MYOF: variants seen among roughly 807,000 people sequenced by gnomAD.
The protein encoded by MYOF is myoferlin, also known as fer-1-like 3, myoferlin.
MYOF carries 244 observed loss-of-function variants against 284.2 expected under a neutral mutation model. The ratio of observed to expected loss-of-function variants is 0.86; its 90% CI spans 0.77 to 0.95. The LOEUF (loss-of-function observed/expected upper bound fraction) is 0.95. Ranked by LOEUF, MYOF falls within the 40% of genes least tolerant of loss-of-function variation. MYOF has a pLI of 0.00. For missense variants in MYOF, 2,496 were observed against 2,560.6 expected (o/e 0.97, Z 0.54); for synonymous variants, 904 against 919.7 (o/e 0.98, Z 0.31).
At chr10:93,469,169 G>A (rs548417576) in intron 1 of MYOF, among the ~76,000 whole-genome samples, 107 of 152,306 alleles carry the variant, frequency 7.0e-4, no homozygotes, top group Admixed American at 1.4e-3. Context: ...GGAGGCCGAG[G>A]TGGGTGGATC....
At position 93,396,203 on chromosome 10, in the gene MYOF, A is replaced by G; in HGVS notation, c.1356T>C (p.Asp452=). The G allele has an allele frequency of 1.9e-6, 3 of 1,603,074 alleles. No homozygotes were observed. The highest frequency in any genetic ancestry group is 2.6e-6 in the Non-Finnish European group (3 of 1,174,454). ...IYDWDRLTKN[D]VVGTTYLHLS... ...GGTGTAGATATGTTGTTCCAACTAC[A>G]TCATTTTTAGTAAGACGGTCCCTGT... The change falls in exon 16 of 54, where the codon GAT becomes GAC. Residue 452 remains aspartate (D), a synonymous_variant. Coordinates refer to ENST00000359263, the MANE Select transcript of MYOF (RefSeq NM_013451.4).
In MYOF at chr10:93,432,156, G is replaced by A. The variant is rs1848902109; in HGVS notation, c.237-640C>T. Among the ~76,000 whole-genome samples, 3 of 152,252 alleles carry A rather than the reference G, an allele frequency of 2.0e-5. No homozygotes were observed. The East Asian group carries it at 5.8e-4, about 29-fold the overall frequency. ...AAATCCCAGCACTTTGGGAGGCTGA[G>A]GTAGAAGGATCAATTGAGTCCAGGA... is the stretch of plus-strand genomic sequence containing the variant. On this transcript the variant is annotated intron_variant, in intron 3 of 53. Coordinates refer to ENST00000359263, the MANE Select transcript of MYOF (RefSeq NM_013451.4).
intron 41 of MYOF, among the ~76,000 whole-genome samples, chr10:93,334,142 G>T (rs1466180054): frequency 4.6e-5 from 7 of 152,204 alleles, no homozygotes; most frequent in African/African-American, 1.7e-4. Context: ...AGCAGAAACT[G>T]GGAGTCAAGA....
intron 48 of MYOF, among the ~76,000 whole-genome samples, chr10:93,322,381 A>T (rs1305018216): frequency 6.6e-6 from 1 of 152,234 alleles, no homozygotes. Context: ...AATAATCATT[A>T]TCACCATTTT....
chr10:93,474,123 G>A (rs1264357116), intron 1 of MYOF, among the ~76,000 whole-genome samples: 1 of 152,098 alleles, frequency 6.6e-6, no homozygotes, highest in Non-Finnish European at 1.5e-5. Flanking sequence ...ATTTAATCAG[G>A]TTGTTTCCTC....
chr10:93,432,963 A>G (rs1314040848), intron 3 of MYOF, among the ~76,000 whole-genome samples: 3 of 152,196 alleles, frequency 2.0e-5, no homozygotes, highest in Non-Finnish European at 4.4e-5. Context: ...TATAGAACAC[A>G]CATTAGCCAG....
rs753463311 is a variant in MYOF at position 93,377,347 on chromosome 10, A to C, written c.2084T>G (p.Ile695Arg). ...CCTCGTGTCTTCTATAACTTCATCT[A>C]TCAGCTTCAGCCACAATTCAGCCAG... ...NQLAELWLKL[I>R]DEVIEDTRYT... The change falls in exon 22 of 54, where the codon ATA (isoleucine) becomes AGA (arginine). Residue 695 changes from isoleucine (I) to arginine (R), a missense_variant. By Grantham distance (97) the Ile-to-Arg change is moderately conservative (BLOSUM62 -3). This residue lies in a region of MYOF where 2,436 missense variants were observed against 2,480.7 expected (regional missense o/e 0.98). Coordinates refer to ENST00000359263, the MANE Select transcript of MYOF (RefSeq NM_013451.4). 1 of 1,614,002 alleles carries C rather than the reference A, an allele frequency of 6.2e-7. No homozygotes were observed. Among genetic ancestry groups the C allele is most frequent in the South Asian group, 1.1e-5 (1 of 91,072 alleles).
chr10:93,452,167 A>G, intron 2 of MYOF, 26 bp from the exon 3 acceptor site: 1 of 1,519,796 alleles, frequency 6.6e-7, no homozygotes, highest in Non-Finnish European at 9.0e-7. Flanking sequence ...TTTTGAAAAA[A>G]GAGAAAAAAA....
At chr10:93,376,349 G>C (rs1364745346) in intron 22 of MYOF, among the ~76,000 whole-genome samples, 4 of 152,160 alleles carry the variant, frequency 2.6e-5, no homozygotes, top group Admixed American at 2.6e-4. Flanking sequence ...GATGTCTACT[G>C]TGAAATACAT....
chr10:93,314,876 C>T (rs767421390), intron 50 of MYOF, among the ~76,000 whole-genome samples: 1 of 152,060 alleles, frequency 6.6e-6, no homozygotes, highest in African/African-American at 2.4e-5. Flanking sequence ...TGGCAAAACC[C>T]TGTCTCTACA....
At chr10:93,402,703 T>C (rs1015766543) in intron 10 of MYOF, among the ~76,000 whole-genome samples, 157 bp downstream of exon 10, 8 of 152,356 alleles carry the variant, frequency 5.3e-5, no homozygotes, top group African/African-American at 1.7e-4. Context: ...TCCCACTAAG[T>C]ATCCTCTCCT....
chr10:93,381,417 T>C lies in MYOF; in HGVS notation c.1699-21A>G, dbSNP rs746402000. ...TATTTCTATAAAGTATGAGCAGACA[T>C]AAGGTTCAGTGAAAGGCCATTTGTT... On this transcript the variant is annotated intron_variant, in intron 19 of 53. Transcript: ENST00000359263. 5 of 1,612,568 alleles carry C rather than the reference T, an allele frequency of 3.1e-6. No individual in the cohort carries two copies. In the South Asian group the frequency reaches 5.5e-5, roughly 18 times the overall value.
At chr10:93,321,412 CTTTTT>C (rs35765868) in intron 48 of MYOF, among the ~76,000 whole-genome samples, 27 of 121,188 alleles carry the variant, frequency 2.2e-4, no homozygotes, top group African/African-American at 7.9e-4. Context: ...GACTATTAAC[CTTTTT>C]TTTTTTTTTT....
At position 93,460,716 on chromosome 10, in the gene MYOF, G is replaced by A. The variant is rs1248853367; in HGVS notation, c.89-3779C>T. On this transcript the variant is annotated intron_variant, in intron 1 of 53. Transcript: ENST00000359263. Reference sequence around the variant, plus strand: ...CAGGAGGCGGAAGTTGCAGTGAGCCGAGATCAAGCCACTGCACTCCAGCCT... The same window carrying A: ...CAGGAGGCGGAAGTTGCAGTGAGCCAAGATCAAGCCACTGCACTCCAGCCT... Among the ~76,000 whole-genome samples the A allele has an allele frequency of 3.7e-5, 5 of 136,804 alleles. No individual in the cohort carries two copies. In the South Asian group the frequency reaches 7.1e-4, roughly 20 times the overall value. The allele number at this position is 136,804 out of a possible 152,430, so 89.7% of individuals were successfully genotyped here. A position where few individuals can be genotyped will look rare whatever the true frequency, so the allele number is the denominator to read the frequency against.
At chr10:93,416,598 CTTT>C (rs374329657) in intron 5 of MYOF, among the ~76,000 whole-genome samples, 190 of 119,750 alleles carry the variant, frequency 1.6e-3, no homozygotes, top group Non-Finnish European at 2.0e-3. Flanking sequence ...TTTGATCAGG[CTTT>C]TTTTTTTTTT....
intron 5 of MYOF, among the ~76,000 whole-genome samples, chr10:93,422,370 C>T (rs1026160024): frequency 8.5e-5 from 13 of 152,196 alleles, no homozygotes; most frequent in African/African-American, 2.9e-4. Flanking sequence ...GAGCCAGACT[C>T]CTAAGGGGAT....
Position 93,379,930 on chromosome 10 carries a change from G to A in MYOF, c.1934C>T (p.Ser645Leu), listed in dbSNP as rs759149256. The change falls in exon 21 of 54, where the codon TCA becomes TTA. Residue 645 changes from serine to leucine, a missense_variant. This residue lies in a region of MYOF where 2,436 missense variants were observed against 2,480.7 expected (regional missense o/e 0.98). Transcript: ENST00000359263. The stretch of plus-strand genomic sequence containing the variant: ...GCGATGACTAATATCCTCCCAGTAT[G>A]AAGTCAGGGTAACAACTGGCTTGGT... Reference protein sequence around the residue: ...AHTKPVVTLTSYWEDISHRLD... With the variant: ...AHTKPVVTLTLYWEDISHRLD... 6.2e-7 allele frequency: 1 copy of A among 1,614,138 alleles called. No individual in the cohort carries two copies. Among genetic ancestry groups the A allele is most frequent in the East Asian group, 2.2e-5 (1 of 44,884 alleles).
chr10:93,360,647 T>A (rs1845025591), intron 28 of MYOF, among the ~76,000 whole-genome samples: 2 of 152,252 alleles, frequency 1.3e-5, no homozygotes, highest in African/African-American at 4.8e-5. Flanking sequence ...CTTTTGAGAA[T>A]TCCAAATGCT....
intron 4 of MYOF, among the ~76,000 whole-genome samples, chr10:93,429,224 TCTCA>T (rs1162140396): frequency 6.6e-6 from 1 of 152,168 alleles, no homozygotes; most frequent in Admixed American, 6.5e-5. Context: ...TTGCTCCCTT[TCTCA>T]CTATGTGTCA....
Sources: allele counts gnomAD v4.1 joint callset (sites outside exome capture counted in the v4.1 genomes callset), GRCh38; gene constraint gnomAD v4.1.1; regional missense constraint gnomAD v4.1.1; transcripts MANE v1.5; gene names NCBI Gene and HGNC (gene_info 2026-07-23, HGNC 2026-07-21).